RAD54L2: variants seen among roughly 807,000 people sequenced by gnomAD.
RAD54L2 encodes RAD54 like 2.
Under a neutral mutation model 138.4 loss-of-function variants are expected in RAD54L2, and 27 were observed. The ratio of observed to expected loss-of-function variants is 0.20; its 90% CI spans 0.14 to 0.27. The LOEUF (loss-of-function observed/expected upper bound fraction) is 0.27. Among genes scored for constraint, RAD54L2 ranks in the 10% least tolerant of loss-of-function variants. RAD54L2 has a pLI of 1.00. For missense variants in RAD54L2, 1,396 were observed against 1,890.2 expected (o/e 0.74, Z 4.85); for synonymous variants, 644 against 723.2 (o/e 0.89, Z 1.76).
chr3:51,599,379 T>C (rs1445137833), intron 3 of RAD54L2, among the ~76,000 whole-genome samples: 1 of 152,018 alleles, frequency 6.6e-6, no homozygotes, highest in African/African-American at 2.4e-5. Flanking sequence ...TTTCTAGGGA[T>C]AGGATTAGGG....
At chr3:51,657,180 A>C (rs1257239538) in intron 20 of RAD54L2, among the ~76,000 whole-genome samples, 1 of 152,220 alleles carries the variant, frequency 6.6e-6, no homozygotes, top group Non-Finnish European at 1.5e-5. Context: ...GGGTAATGCC[A>C]GCAAGGAAGA....
intron 3 of RAD54L2, among the ~76,000 whole-genome samples, chr3:51,606,764 C>A (rs1700189610): frequency 6.6e-6 from 1 of 151,952 alleles, no homozygotes; most frequent in Non-Finnish European, 1.5e-5. Flanking sequence ...CTCGCTGCAA[C>A]CTCCACCTCC....
intron 10 of RAD54L2, among the ~76,000 whole-genome samples, chr3:51,636,167 A>G (rs568097581): frequency 6.6e-6 from 1 of 152,378 alleles, no homozygotes; most frequent in African/African-American, 2.4e-5. Flanking sequence ...CAAAGTAGTA[A>G]TACTATTGTT....
At chr3:51,602,771 G>A (rs1301380562) in intron 3 of RAD54L2, among the ~76,000 whole-genome samples, 2 of 152,136 alleles carry the variant, frequency 1.3e-5, no homozygotes, top group East Asian at 3.8e-4. Flanking sequence ...CTCTCCTCAT[G>A]GGATTTTCAT....
intron 2 of RAD54L2, among the ~76,000 whole-genome samples, chr3:51,558,678 C>T (rs1699028875): frequency 6.6e-6 from 1 of 152,050 alleles, no homozygotes; most frequent in Non-Finnish European, 1.5e-5. Context: ...GCTATGTTAC[C>T]CAGGCTGGTC....
intron 3 of RAD54L2, among the ~76,000 whole-genome samples, chr3:51,595,534 T>C (rs1699941034): frequency 6.6e-6 from 1 of 152,170 alleles, no homozygotes; most frequent in African/African-American, 2.4e-5. Context: ...AGTCAGGCCA[T>C]TGTTTCCTCC....
intron 3 of RAD54L2, among the ~76,000 whole-genome samples, chr3:51,611,971 T>G (rs569176824): frequency 6.6e-6 from 1 of 152,252 alleles, no homozygotes; most frequent in East Asian, 1.9e-4. Flanking sequence ...TAATGTGTGG[T>G]GATGGCTACG....
At chr3:51,552,538 A>G (rs1698864980) in intron 2 of RAD54L2, among the ~76,000 whole-genome samples, 1 of 146,138 alleles carries the variant, frequency 6.8e-6, no homozygotes, top group African/African-American at 2.6e-5. Flanking sequence ...TTGGGATTAC[A>G]GGTGTGAGCC....
intron 3 of RAD54L2, among the ~76,000 whole-genome samples, chr3:51,596,219 C>A (rs1465815187): frequency 2.7e-5 from 4 of 147,864 alleles, no homozygotes; most frequent in African/African-American, 1.0e-4. Context: ...TGAGCCACCG[C>A]TCCCGGCCTT....
intron 2 of RAD54L2, among the ~76,000 whole-genome samples, chr3:51,548,125 C>A (rs1157807625): frequency 2.0e-5 from 3 of 151,780 alleles, no homozygotes; most frequent in Non-Finnish European, 4.4e-5. Flanking sequence ...AACTCCTGAC[C>A]TCAGGTGATC....
At chr3:51,581,622 CTG>C (rs1491414502) in intron 2 of RAD54L2, among the ~76,000 whole-genome samples, 1 of 152,150 alleles carries the variant, frequency 6.6e-6, no homozygotes, top group Non-Finnish European at 1.5e-5. Flanking sequence ...AGCACCCAGA[CTG>C]AGCTCTGTGG....
intron 2 of RAD54L2, among the ~76,000 whole-genome samples, chr3:51,579,003 G>A (rs575445307): frequency 1.4e-4 from 22 of 152,204 alleles, no homozygotes; most frequent in African/African-American, 4.3e-4. Flanking sequence ...GGGACAGAGC[G>A]GGACCGTAAT....
At chr3:51,549,416 G>A (rs957675232) in intron 2 of RAD54L2, among the ~76,000 whole-genome samples, 4 of 152,136 alleles carry the variant, frequency 2.6e-5, no homozygotes, top group Admixed American at 6.6e-5. Flanking sequence ...TTCGGCAATT[G>A]AGGCCCATGA....
In RAD54L2 at chr3:51,607,253, C is replaced by G. The variant is rs1187386603; in HGVS notation, c.139+16694C>G. ...GGTTTTCCTAGGCAGAGGGCCCTGC[C>G]GCCTTCCGCAGTGTTTGTGTCCCTG... On this transcript the variant is annotated intron_variant, in intron 3 of 22. Coordinates refer to ENST00000684192, the MANE Select transcript of RAD54L2 (RefSeq NM_015106.4). Among the ~76,000 whole-genome samples, 5 of 151,480 alleles carry G rather than the reference C, an allele frequency of 3.3e-5. No homozygotes were observed. In the South Asian group the frequency reaches 6.3e-4, roughly 19 times the overall value.
intron 19 of RAD54L2, among the ~76,000 whole-genome samples, chr3:51,646,929 A>C (rs906922912): frequency 7.9e-5 from 12 of 152,198 alleles, no homozygotes; most frequent in Admixed American, 4.6e-4. Flanking sequence ...ATCTGGAACC[A>C]AAAAATCTCT....
Position 51,656,051 on chromosome 3 carries a change from G to A in RAD54L2, c.3107G>A (p.Arg1036Gln), listed in dbSNP as rs562456546. The change falls in exon 20 of 23, where the codon CGG becomes CAG. Residue 1036 changes from arginine (R) to glutamine (Q), a missense_variant. Physicochemically the swap from Arg to Gln is conservative, Grantham distance 43. This residue lies in a region of RAD54L2 where 634 missense variants were observed against 711.2 expected (regional missense o/e 0.89). Coordinates refer to ENST00000684192, the MANE Select transcript of RAD54L2 (RefSeq NM_015106.4). Reference sequence around the variant, plus strand: ...TCCACCCCCATCCCCATGATGCCCCGGCATGTCCCATTGGGAGGAAGTGTA... The same window carrying A: ...TCCACCCCCATCCCCATGATGCCCCAGCATGTCCCATTGGGAGGAAGTGTA... ...VQSTPIPMMP[R>Q]HVPLGGSVSS... The A allele has an allele frequency of 3.1e-6, 5 of 1,613,916 alleles. No individual in the cohort carries two copies. In the South Asian group the frequency reaches 3.3e-5, roughly 11 times the overall value.
At position 51,645,885 on chromosome 3, in the gene RAD54L2, C is replaced by T. The variant is rs1008587711; in HGVS notation, c.2829+122C>T. ...CATGCAGGTGACTTGGACTCAAGGA[C>T]TTCTTTTTCTTGCCCCACTCAGTCC... On this transcript the variant is annotated intron_variant, in intron 18 of 22. Coordinates refer to ENST00000684192, the MANE Select transcript of RAD54L2 (RefSeq NM_015106.4). This position sits in a 1 kb window ranked among gnomAD's most constrained non-coding sequence, Gnocchi z 6.1. 1.1e-5 allele frequency: 12 copies of T among 1,071,520 alleles called. No homozygotes were observed. The Middle Eastern group carries it at 1.2e-3, about 110-fold the overall frequency. 66.4% of individuals were successfully genotyped at this position (1,071,520 alleles called of 1,614,324 possible).
rs56187003 is a variant in RAD54L2 at position 51,605,451 on chromosome 3, G to GTTT, written c.139+14908_139+14910dup. Reference sequence around the variant, plus strand: ...AGGATGTATTTGCTTGAATTTGAGGGTTTTTTTTTTTTTTTTTTGAGATGG... The same window carrying GTTT: ...AGGATGTATTTGCTTGAATTTGAGGGTTTTTTTTTTTTTTTTTTTTTGAGATGG... On this transcript the variant is annotated intron_variant, in intron 3 of 22. Coordinates refer to ENST00000684192, the MANE Select transcript of RAD54L2 (RefSeq NM_015106.4). Among the ~76,000 whole-genome samples the GTTT allele has an allele frequency of 8.2e-4, 90 of 109,250 alleles. 2 individuals are homozygous for GTTT. The highest frequency in any genetic ancestry group is 1.2e-3 in the South Asian group (4 of 3,216). The allele number at this position is 109,250 out of a possible 152,430, so 71.7% of individuals were successfully genotyped here.
chr3:51,563,596 C>A (rs1460929337), intron 2 of RAD54L2, among the ~76,000 whole-genome samples: 1 of 152,136 alleles, frequency 6.6e-6, no homozygotes, highest in East Asian at 1.9e-4. Flanking sequence ...ACGGTTCCCT[C>A]CCCGGTGTGT....
Sources: gnomAD v4.1 joint callset for allele counts (sites outside exome capture counted in the v4.1 genomes callset) on GRCh38, gnomAD v4.1.1 for gene constraint, gnomAD v4.1.1 regional missense constraint, Gnocchi (gnomAD v3.1) non-coding constraint, MANE v1.5 for transcripts, NCBI Gene and HGNC (gene_info 2026-07-23, HGNC 2026-07-21) for gene names.